Variants in MS4A4E observed in about 807,000 individuals in gnomAD.
MS4A4E encodes the protein membrane spanning 4-domains A4E.
In MS4A4E, 23 loss-of-function variants were observed where a neutral mutation model predicts 13.3. The observed-to-expected ratio is 1.73, with a 90% CI of 1.25 to 2.45. MS4A4E has a LOEUF of 2.45. Among genes scored for constraint, MS4A4E ranks in the 30% most tolerant of loss-of-function variants. The pLI is 0.00. For missense variants in MS4A4E, 144 were observed against 131.2 expected (o/e 1.10, Z -0.48); for synonymous variants, 36 against 45.6 (o/e 0.79, Z 0.85).
chr11:60,211,140 G>A (rs976322149), intron 5 of MS4A4E, among the ~76,000 whole-genome samples: 10 of 152,138 alleles, frequency 6.6e-5, no homozygotes, highest in Non-Finnish European at 1.5e-4. Context: ...TAAACTAAAA[G>A]TAAGGTTCTT....
chr11:60,230,578 G>C (rs1387768734), intron 1 of MS4A4E, among the ~76,000 whole-genome samples: 1 of 152,150 alleles, frequency 6.6e-6, no homozygotes, highest in African/African-American at 2.4e-5. Flanking sequence ...TGTCCCATAA[G>C]CTCTGAACTC....
chr11:60,208,521 TA>T (rs1214449460), intron 6 of MS4A4E, 71 bp downstream of exon 6: 2 of 548,134 alleles, frequency 3.6e-6, no homozygotes, highest in Non-Finnish European at 6.5e-6. Context: ...GTTAAGACTA[TA>T]AGTTTGTTTA....
intron 1 of MS4A4E, among the ~76,000 whole-genome samples, chr11:60,232,514 C>T (rs1219184176): frequency 6.6e-6 from 1 of 152,124 alleles, no homozygotes; most frequent in Non-Finnish European, 1.5e-5. Flanking sequence ...GGCCTTCTTC[C>T]TACAGGGAAA....
rs575302903 is a variant in MS4A4E at position 60,201,472 on chromosome 11, G to C, written c.*71C>G. The stretch of plus-strand genomic sequence containing the variant: ...CAGAGACGCTCCTCACCTCCCAGAC[G>C]GGGTCGCGGCCGGGCAGAGGTGCTC... On this transcript the variant is annotated 3_prime_UTR_variant, in exon 9 of 9. Transcript: ENST00000651255. 4.2e-6 allele frequency: 1 copy of C among 235,468 alleles called. No individual in the cohort carries two copies. Among genetic ancestry groups the C allele is most frequent in the Non-Finnish European group, 8.6e-6 (1 of 115,930 alleles). 14.6% of individuals were successfully genotyped at this position (235,468 alleles called of 1,614,324 possible).
At chr11:60,210,871 T>C (rs575189565) in intron 5 of MS4A4E, among the ~76,000 whole-genome samples, 2 of 152,360 alleles carry the variant, frequency 1.3e-5, no homozygotes, top group Non-Finnish European at 2.9e-5. Context: ...TAGGAATTCA[T>C]CATGACCTCT....
chr11:60,204,064 T>C (rs2084013033), intron 8 of MS4A4E, among the ~76,000 whole-genome samples: 2 of 152,222 alleles, frequency 1.3e-5, no homozygotes, highest in South Asian at 4.1e-4. Context: ...TATGCGCTAA[T>C]TTAAACCAAC....
At chr11:60,240,742 T>C (rs2084537998) in intron 1 of MS4A4E, among the ~76,000 whole-genome samples, 1 of 152,184 alleles carries the variant, frequency 6.6e-6, no homozygotes, top group African/African-American at 2.4e-5. Context: ...CCCCCGGCCA[T>C]GACCACCTTA....
chr11:60,226,850 A>G (rs1353169490), intron 3 of MS4A4E, among the ~76,000 whole-genome samples: 1 of 152,128 alleles, frequency 6.6e-6, no homozygotes, highest in Non-Finnish European at 1.5e-5. Context: ...AACTGCTTTT[A>G]TTCACAGATG....
At chr11:60,236,993 T>C (rs1359986327) in intron 1 of MS4A4E, among the ~76,000 whole-genome samples, 1 of 152,068 alleles carries the variant, frequency 6.6e-6, no homozygotes, top group Non-Finnish European at 1.5e-5. Flanking sequence ...ACCTCAGCCT[T>C]CCAAAGTTCT....
chr11:60,235,187 T>C (rs1440519646), intron 1 of MS4A4E, among the ~76,000 whole-genome samples: 4 of 152,160 alleles, frequency 2.6e-5, no homozygotes, highest in Non-Finnish European at 5.9e-5. Flanking sequence ...GGCGTTATCA[T>C]GACTCACTGC....
intron 3 of MS4A4E, among the ~76,000 whole-genome samples, chr11:60,228,359 G>A (rs1350198908): frequency 6.6e-6 from 1 of 152,172 alleles, no homozygotes; most frequent in African/African-American, 2.4e-5. Flanking sequence ...CACATCTTAT[G>A]TCACCAGGGA....
chr11:60,232,962 C>T lies in MS4A4E; in HGVS notation c.-16-2891G>A, dbSNP rs578081819. Among the ~76,000 whole-genome samples, 4 of 152,218 alleles carry T rather than the reference C, an allele frequency of 2.6e-5. No homozygotes were observed. The South Asian group carries it at 6.2e-4, about 24-fold the overall frequency. On this transcript the variant is annotated intron_variant, in intron 1 of 8. Transcript: ENST00000651255. ...TCCAAACTCAAGTTGAAACTGTGCTCCACTCTCTGGGCACCCATAGCTTTG... is the reference window on the plus strand; with the variant it reads ...TCCAAACTCAAGTTGAAACTGTGCTTCACTCTCTGGGCACCCATAGCTTTG...
intron 1 of MS4A4E, among the ~76,000 whole-genome samples, chr11:60,234,338 C>T (rs532702973): frequency 1.3e-4 from 20 of 152,178 alleles, no homozygotes; most frequent in South Asian, 2.1e-4. Flanking sequence ...TTTGGAGGGT[C>T]GTGGATGAAA....
At chr11:60,237,928 G>A (rs1295123696) in intron 1 of MS4A4E, among the ~76,000 whole-genome samples, 1 of 151,778 alleles carries the variant, frequency 6.6e-6, no homozygotes, top group Non-Finnish European at 1.5e-5. Context: ...ATCTATTGAG[G>A]CATTCGTGGT....
Position 60,213,110 on chromosome 11 carries a change from T to A in MS4A4E, c.245A>T (p.Asn82Ile). Reference sequence around the variant, plus strand: ...TATAGCCAAGACTGAACTGGTGATATTCTTTCCTAGACTACCTCCAACCTA... The same window carrying A: ...TATAGCCAAGACTGAACTGGTGATAATCTTTCCTAGACTACCTCCAACCTA... ...KGLVGGSLGK[N>I]ITSSVLAISG... Residue 82 changes from asparagine (N) to isoleucine (I), a missense_variant, in exon 5 of 9, where the codon AAT becomes ATT. This residue lies in a region of MS4A4E where 119 missense variants were observed against 88.7 expected (regional missense o/e 1.34). Transcript: ENST00000651255. 1 of 608,838 alleles carries A rather than the reference T, an allele frequency of 1.6e-6. No homozygotes were observed. Among genetic ancestry groups the A allele is most frequent in the Admixed American group, 3.2e-5 (1 of 31,570 alleles). The allele number at this position is 608,838 out of a possible 1,614,324, so 37.7% of individuals were successfully genotyped here.
intron 3 of MS4A4E, among the ~76,000 whole-genome samples, chr11:60,222,318 A>G (rs1222934221): frequency 1.1e-4 from 16 of 152,198 alleles, no homozygotes; most frequent in Admixed American, 1.0e-3. Flanking sequence ...GCCTCTGACC[A>G]AGGCACTCAC....
intron 5 of MS4A4E, chr11:60,209,163 T>C (rs1200623150): frequency 6.6e-6 from 1 of 152,254 alleles, no homozygotes; most frequent in Non-Finnish European, 1.5e-5. Flanking sequence ...CATTGTTCTT[T>C]TTGCACAACA....
At chr11:60,242,727 A>T (rs1256918747) in intron 1 of MS4A4E, among the ~76,000 whole-genome samples, 1 of 152,180 alleles carries the variant, frequency 6.6e-6, no homozygotes, top group Non-Finnish European at 1.5e-5. Flanking sequence ...AGCCTTTAGG[A>T]GGCTTTTCTA....
intron 4 of MS4A4E, 99 bp downstream of exon 4, chr11:60,214,472 T>A (rs1409727100): frequency 9.3e-6 from 8 of 857,204 alleles, no homozygotes; most frequent in Admixed American, 3.7e-5. Flanking sequence ...TGCTCCTGAC[T>A]TTTTTAAAAA....
Sources: gnomAD v4.1 joint callset for allele counts (sites outside exome capture counted in the v4.1 genomes callset) on GRCh38, gnomAD v4.1.1 for gene constraint, gnomAD v4.1.1 regional missense constraint, MANE v1.5 for transcripts, NCBI Gene and HGNC (gene_info 2026-07-23, HGNC 2026-07-21) for gene names.